Variants in USP9X observed in about 807,000 individuals in gnomAD.
USP9X encodes ubiquitin specific peptidase 9 X-linked.
In USP9X, 7 loss-of-function variants were observed where a neutral mutation model predicts 190.3. The ratio of observed to expected loss-of-function variants is 0.04; its 90% confidence interval spans 0.02 to 0.07. The LOEUF (loss-of-function observed/expected upper bound fraction) is 0.07, where lower values mean the gene tolerates loss of function less well. Among genes scored for constraint, USP9X ranks in the 10% least tolerant of loss-of-function variants. The pLI is 1.00. For synonymous variants in USP9X, 645 were observed against 659.5 expected (o/e 0.98, Z 0.34); for missense variants, 1,010 against 1,916.9 (o/e 0.53, Z 8.83).
chrX:41,129,202 C>T, intron 3 of USP9X, 57 bp downstream of exon 3: 1 of 1,116,614 alleles, frequency 9.0e-7, no homozygotes, highest in Middle Eastern at 2.5e-4. Context: ...ACCCCACTGC[C>T]TCCTTAATAG....
chrX:41,196,968 A>T (rs1175419765), intron 28 of USP9X, among the ~76,000 whole-genome samples: 1 of 112,111 alleles, frequency 8.9e-6, no homozygotes, highest in Non-Finnish European at 1.9e-5. Context: ...ACTGATGTTC[A>T]GCTTCTTTTA....
chrX:41,158,224 A>G (rs1159574151), intron 14 of USP9X, among the ~76,000 whole-genome samples: 1 of 111,619 alleles, frequency 9.0e-6, no homozygotes, highest in African/African-American at 3.3e-5. Flanking sequence ...AACGTCTCTA[A>G]TTTGATGGCA....
intron 38 of USP9X, among the ~76,000 whole-genome samples, chrX:41,219,458 TA>T (rs1477407139): frequency 9.2e-6 from 1 of 109,281 alleles, no homozygotes; most frequent in Non-Finnish European, 1.9e-5. Context: ...TTTTTTTTTT[TA>T]ATCTCCTAAT....
chrX:41,214,429 C>T, intron 33 of USP9X, 139 bp from the exon 34 acceptor site: 1 of 560,265 alleles, frequency 1.8e-6, no homozygotes, highest in Non-Finnish European at 2.6e-6. Flanking sequence ...ACATATGTAA[C>T]AAACCTGCAC....
chrX:41,108,999 C>A (rs1359667831), intron 1 of USP9X, among the ~76,000 whole-genome samples: 1 of 111,372 alleles, frequency 9.0e-6, no homozygotes, highest in Non-Finnish European at 1.9e-5. Context: ...CCTTTACCTC[C>A]TGGGGAGATA....
At position 41,090,807 on chromosome X, in the gene USP9X, CAT is replaced by C. The variant is rs1386218081; in HGVS notation, c.-159+4699_-159+4700del. ...CAAAAATTCCAGACTGAAACACAAA[CAT>C]GTAGTGAAAAGCTCAAACACTAGAA... On this transcript the variant is annotated intron_variant, in intron 1 of 44. Transcript: ENST00000378308. Among the ~76,000 whole-genome samples the C allele has an allele frequency of 6.8e-4, 76 of 111,224 alleles. 2 individuals carry two copies. The highest frequency in any genetic ancestry group is 4.6e-3 in the Admixed American group (48 of 10,479).
intron 21 of USP9X, among the ~76,000 whole-genome samples, chrX:41,181,828 C>T (rs1259771368): frequency 9.0e-6 from 1 of 110,868 alleles, no homozygotes; most frequent in Non-Finnish European, 1.9e-5. Context: ...GACCTGGGCT[C>T]CAGTGATCCT....
At chrX:41,182,683 A>G (rs2062837950) in intron 21 of USP9X, among the ~76,000 whole-genome samples, 1 of 111,088 alleles carries the variant, frequency 9.0e-6, no homozygotes, top group African/African-American at 3.3e-5. Flanking sequence ...TAAATGCCCA[A>G]TAATAGGAAT....
chrX:41,200,632 A>T (rs1183642476), intron 30 of USP9X, among the ~76,000 whole-genome samples: 1 of 112,503 alleles, frequency 8.9e-6, no homozygotes, highest in Non-Finnish European at 1.9e-5. Context: ...TGGTTTTAGG[A>T]TTATTTAAAA....
At chrX:41,114,901 G>A (rs1347729236) in intron 1 of USP9X, among the ~76,000 whole-genome samples, 1 of 110,848 alleles carries the variant, frequency 9.0e-6, no homozygotes, top group African/African-American at 3.3e-5. Flanking sequence ...TCAGTATGCT[G>A]TTAGTAGTTA....
At chrX:41,205,516 T>C (rs1357252638) in intron 32 of USP9X, 23 bp downstream of exon 32, 2 of 1,153,644 alleles carry the variant, frequency 1.7e-6, no homozygotes, top group African/African-American at 3.6e-5. Context: ...TGGACAGTAA[T>C]AGAGATACTT....
In USP9X at chrX:41,166,184, G is replaced by A; in HGVS notation, c.2298G>A (p.Leu766=). Residue 766 remains leucine (L), a synonymous_variant, in exon 16 of 45, where the codon TTG becomes TTA. Coordinates refer to ENST00000378308, the MANE Select transcript of USP9X (RefSeq NM_001039591.3). ...AKRRAYMMDD[L]ELIGLDYLWR... Reference sequence around the variant, plus strand: ...GGAGAGCCTATATGATGGATGACTTGGAGTTAATAGGATTAGATTACCTTT... The same window carrying A: ...GGAGAGCCTATATGATGGATGACTTAGAGTTAATAGGATTAGATTACCTTT... 8.4e-7 allele frequency: 1 copy of A among 1,196,186 alleles called. No homozygotes were observed. The highest frequency in any genetic ancestry group is 1.1e-6 in the Non-Finnish European group (1 of 887,557).
intron 31 of USP9X, 136 bp downstream of exon 31, chrX:41,201,416 C>A: frequency 3.3e-6 from 2 of 600,628 alleles, no homozygotes; most frequent in Non-Finnish European, 5.1e-6. Flanking sequence ...CGAGCACACA[C>A]CTGTGGTCTC....
At chrX:41,187,246 G>A (rs1273500939) in intron 24 of USP9X, among the ~76,000 whole-genome samples, 1 of 112,327 alleles carries the variant, frequency 8.9e-6, no homozygotes, top group East Asian at 2.8e-4. Flanking sequence ...GGTAACTACT[G>A]CTCTTTTTGT....
At position 41,120,805 on chromosome X, in the gene USP9X, C is replaced by T. The variant is rs551237623; in HGVS notation, c.-158-2666C>T. Reference sequence around the variant, plus strand: ...GAGCTACCGCGCCCAGCCAACATATCTTAACAAATCAGTTTTTGTGTGTGC... The same window carrying T: ...GAGCTACCGCGCCCAGCCAACATATTTTAACAAATCAGTTTTTGTGTGTGC... On this transcript the variant is annotated intron_variant, in intron 1 of 44. Transcript: ENST00000378308. 6.6e-5 allele frequency among the ~76,000 whole-genome samples: 7 copies of T among 106,054 alleles called. No individual in the cohort carries two copies. In the South Asian group the frequency reaches 2.9e-3, roughly 44 times the overall value. The allele number at this position is 106,054 out of a possible 115,157, so 92.1% of individuals were successfully genotyped here. A position where few individuals can be genotyped will look rare whatever the true frequency, so the allele number is the denominator to read the frequency against.
In USP9X at chrX:41,134,734, T is replaced by G. The variant is rs770473033; in HGVS notation, c.332T>G (p.Val111Gly). Residue 111 changes from valine to glycine, a missense_variant, in exon 5 of 45, where the codon GTT becomes GGT. Physicochemically the swap from Val to Gly is moderately radical, Grantham distance 109. This residue lies in a region of USP9X where 176 missense variants were observed against 247.5 expected (regional missense o/e 0.71). Coordinates refer to ENST00000378308, the MANE Select transcript of USP9X (RefSeq NM_001039591.3). ...AIDLSKKGLD[V>G]KSEACQRFFR... Reference sequence around the variant, plus strand: ...TCTCCCTTTTTCTTAGGCCTTGATGTTAAAAGTGAAGCATGTCAGCGATTT... The same window carrying G: ...TCTCCCTTTTTCTTAGGCCTTGATGGTAAAAGTGAAGCATGTCAGCGATTT... 5 of 1,207,236 alleles carry G rather than the reference T, an allele frequency of 4.1e-6. No homozygotes were observed. The highest frequency in any genetic ancestry group is 3.6e-5 in the South Asian group (2 of 56,322).
Position 41,201,390 on chromosome X carries a change from A to G in USP9X, c.4824+110A>G. 3 of 774,490 alleles carry G rather than the reference A, an allele frequency of 3.9e-6. No homozygotes were observed. In the South Asian group the frequency reaches 7.7e-5, roughly 20 times the overall value. The allele number at this position is 774,490 out of a possible 1,213,427, so 63.8% of individuals were successfully genotyped here. A position where few individuals can be genotyped will look rare whatever the true frequency, so the allele number is the denominator to read the frequency against. ...CATCAAACGTATTAAAGTATATTTG[A>G]AAGTTAGGGATGGGCCGAGCACACA... is the stretch of plus-strand genomic sequence containing the variant. On this transcript the variant is annotated intron_variant, in intron 31 of 44. Transcript: ENST00000378308.
Position 41,224,758 on chromosome X carries a change from C to T in USP9X, c.6768C>T (p.Pro2256=). ...QSSINGNPPL[P]NPFGDPNLSQ... Reference sequence around the variant, plus strand: ...GTATTCTAGGTAATCCTCCTCTTCCCAATCCTTTTGGTGATCCTAATTTAT... The same window carrying T: ...GTATTCTAGGTAATCCTCCTCTTCCTAATCCTTTTGGTGATCCTAATTTAT... Residue 2256 remains proline, a synonymous_variant, in exon 40 of 45, where the codon CCC becomes CCT. Transcript: ENST00000378308. 1 of 1,209,809 alleles carries T rather than the reference C, an allele frequency of 8.3e-7. No individual in the cohort carries two copies. Among genetic ancestry groups the T allele is most frequent in the Non-Finnish European group, 1.1e-6 (1 of 893,893 alleles).
chrX:41,197,355 C>CCCCCCCT lies in USP9X; in HGVS notation c.4234-9_4234-8insCCCCCCT. 1.0e-6 allele frequency: 1 copy of CCCCCCCT among 981,929 alleles called. No homozygotes were observed. Among genetic ancestry groups the CCCCCCCT allele is most frequent in the Admixed American group, 3.2e-5 (1 of 31,432 alleles). The allele number at this position is 981,929 out of a possible 1,213,427, so 80.9% of individuals were successfully genotyped here. On this transcript the variant is annotated splice_polypyrimidine_tract_variant and intron_variant, in intron 28 of 44. Coordinates refer to ENST00000378308, the MANE Select transcript of USP9X (RefSeq NM_001039591.3). ...TTCCCCCCCCCACCCCACCCCCCGCCTTTGGCAGGATGATGTTAAAAGAAC... is the reference window on the plus strand; with the variant it reads ...TTCCCCCCCCCACCCCACCCCCCGCCCCCCCCTTTTGGCAGGATGATGTTAAAAGAAC...
Sources: gnomAD v4.1 joint callset for allele counts (sites outside exome capture counted in the v4.1 genomes callset) on GRCh38, gnomAD v4.1.1 for gene constraint, gnomAD v4.1.1 regional missense constraint, MANE v1.5 for transcripts, NCBI Gene and HGNC (gene_info 2026-07-23, HGNC 2026-07-21) for gene names.